The following PROS1 variants were observed in gnomAD, a reference collection of about 807,000 sequenced individuals.
PROS1 encodes the protein vitamin K-dependent protein S.
Under a neutral mutation model 75.9 loss-of-function variants are expected in PROS1, and 29 were observed. The observed-to-expected ratio is 0.38, with a 90% confidence interval of 0.28 to 0.52. The LOEUF (loss-of-function observed/expected upper bound fraction) is 0.52, where lower values mean the gene tolerates loss of function less well. PROS1 is among the 20% of genes least tolerant of loss of function. The probability of loss-of-function intolerance (pLI) is 0.83; values close to 1 mark genes in which losing one functional copy is unlikely to be tolerated. For synonymous variants in PROS1, 245 were observed against 280.6 expected (o/e 0.87, Z 1.27); for missense variants, 680 against 810.3 (o/e 0.84, Z 1.95).
chr3:93,973,266 G>A (rs1285392216), intron 1 of PROS1, among the ~76,000 whole-genome samples: 2 of 152,142 alleles, frequency 1.3e-5, no homozygotes, highest in Non-Finnish European at 2.9e-5. Flanking sequence ...TTCAGGAGAC[G>A]GGTGCAGGTT....
chr3:93,949,650 C>T lies in PROS1; in HGVS notation c.77-22243G>A, dbSNP rs544673767. On this transcript the variant is annotated intron_variant, in intron 1 of 14. Transcript: ENST00000394236. ...AAAATAAACTAACAACATAATTAGG[C>T]ATTTCATAAAAGAGGGAAAAAAAGA... Among the ~76,000 whole-genome samples the T allele has an allele frequency of 2.0e-5, 3 of 152,016 alleles. No individual in the cohort carries two copies. In the East Asian group the frequency reaches 5.8e-4, roughly 29 times the overall value.
chr3:93,906,025 T>A lies in PROS1; in HGVS notation c.465A>T (p.Glu155Asp), dbSNP rs1708670226. The change falls in exon 5 of 15, where the codon GAA (glutamate) becomes GAT (aspartate). Residue 155 changes from glutamate to aspartate, a missense_variant. Transcript: ENST00000394236. The stretch of plus-strand genomic sequence containing the variant: ...GGCGGGGGTTATTATACGTACCAAA[T>A]TCACACTTTTCTCCTTGCCAACCTG... ...CKPGWQGEKCEFDINECKDPS... is the reference protein window; with the variant it reads ...CKPGWQGEKCDFDINECKDPS... 6.2e-7 allele frequency: 1 copy of A among 1,614,090 alleles called. No homozygotes were observed.
chr3:93,899,580 T>A (rs1414598874), intron 7 of PROS1, among the ~76,000 whole-genome samples: 1 of 152,172 alleles, frequency 6.6e-6, no homozygotes, highest in Admixed American at 6.6e-5. Context: ...GTAATTTCTA[T>A]CTGCAATGGT....
rs1444047742 is a variant in PROS1 at position 93,884,812 on chromosome 3, T to C, written c.1408A>G (p.Lys470Glu). 6 of 1,613,726 alleles carry C rather than the reference T, an allele frequency of 3.7e-6. No individual in the cohort carries two copies. The highest frequency in any genetic ancestry group is 5.1e-6 in the Non-Finnish European group (6 of 1,179,866). Residue 470 changes from lysine (K) to glutamate (E), a missense_variant, in exon 12 of 15, where the codon AAA (lysine) becomes GAA (glutamate). By Grantham distance (56) the Lys-to-Glu change is moderately conservative (BLOSUM62 1). Coordinates refer to ENST00000394236, the MANE Select transcript of PROS1 (RefSeq NM_000313.4). ...GTAACCAGGCAATGCTTATTTTGTT[T>C]TTCTTGAATAATTTCCTTTATTCCA... The part of the protein sequence containing the change: ...ASGIKEIIQE[K>E]QNKHCLVTVE...
intron 14 of PROS1, 44 bp from the exon 15 acceptor site, chr3:93,874,449 A>C (rs1708154204): frequency 6.2e-7 from 1 of 1,607,544 alleles, no homozygotes; most frequent in African/African-American, 1.3e-5. Context: ...GACTTTTAGC[A>C]TCTTGTTTGT....
rs1708147445 is a variant in PROS1 at position 93,874,101 on chromosome 3, T to C, written c.*144A>G. On this transcript the variant is annotated 3_prime_UTR_variant, in exon 15 of 15. Transcript: ENST00000394236. ...TATATCACAACAGAATTTTTTTCCT[T>C]GACAAAGGACCTTTTAAAAATCCCA... is the stretch of plus-strand genomic sequence containing the variant. 6 of 961,410 alleles carry C rather than the reference T, an allele frequency of 6.2e-6. No homozygotes were observed. The highest frequency in any genetic ancestry group is 2.7e-5 in the East Asian group (1 of 37,370). 59.6% of individuals were successfully genotyped at this position (961,410 alleles called of 1,614,324 possible). A position where few individuals can be genotyped will look rare whatever the true frequency, so the allele number is the denominator to read the frequency against.
intron 10 of PROS1, among the ~76,000 whole-genome samples, chr3:93,886,905 AAGTTCTTTT>A (rs904074853): frequency 6.6e-6 from 1 of 151,470 alleles, no homozygotes; most frequent in Non-Finnish European, 1.5e-5. Context: ...TAGTGTAAAT[AAGTTCTTTT>A]TTTTTTTTTT....
At chr3:93,895,777 C>A (rs1382250401) in intron 9 of PROS1, among the ~76,000 whole-genome samples, 1 of 152,022 alleles carries the variant, frequency 6.6e-6, no homozygotes, top group African/African-American at 2.4e-5. Flanking sequence ...CAACCCTGGG[C>A]AACGTGGTAA....
intron 1 of PROS1, among the ~76,000 whole-genome samples, chr3:93,938,527 C>A (rs1709225887): frequency 6.6e-6 from 1 of 152,140 alleles, no homozygotes. Flanking sequence ...GAGATCCACC[C>A]ACGACCTCAG....
intron 1 of PROS1, chr3:93,928,906 T>C: frequency 2.6e-6 from 1 of 380,388 alleles, no homozygotes; most frequent in Non-Finnish European, 4.6e-6. Flanking sequence ...ATTATATTTT[T>C]GCATATTAGA....
intron 3 of PROS1, 197 bp from the exon 4 acceptor site, chr3:93,910,902 A>G (rs1392248303): frequency 3.5e-6 from 2 of 572,460 alleles, no homozygotes; most frequent in Non-Finnish European, 6.3e-6. Context: ...GGCAACAGAT[A>G]CAGAAACATA....
rs1708453983 is a variant in PROS1 at position 93,892,950 on chromosome 3, T to G, written c.1138A>C (p.Asn380His). 1 of 1,611,958 alleles carries G rather than the reference T, an allele frequency of 6.2e-7. No individual in the cohort carries two copies. The highest frequency in any genetic ancestry group is 1.7e-5 in the Admixed American group (1 of 60,028). ...KITTGGDVIN[N>H]GLWNMVSVEE... ...AAACGTACCATATTCCATAGACCAT[T>G]ATTAATAACATCACCTCCAGTTGTG... Residue 380 changes from asparagine to histidine, a missense_variant, in exon 10 of 15, where the codon AAT becomes CAT. Asn to His is a moderately conservative substitution (Grantham distance 68, BLOSUM62 1). Transcript: ENST00000394236.
chr3:93,952,781 A>C lies in PROS1; in HGVS notation c.76+20893T>G, dbSNP rs531380645. ...CAAAAAACCCTTCAAAAAATCAGTG[A>C]ATCCAAGAGCTGGCTTTTTGAAAAG... On this transcript the variant is annotated intron_variant, in intron 1 of 14. Transcript: ENST00000394236. 1.8e-4 allele frequency among the ~76,000 whole-genome samples: 27 copies of C among 152,352 alleles called. No homozygotes were observed. The East Asian group carries it at 3.7e-3, about 21-fold the overall frequency.
chr3:93,907,113 G>T (rs1708688067), intron 4 of PROS1, among the ~76,000 whole-genome samples: 1 of 152,248 alleles, frequency 6.6e-6, no homozygotes, highest in Admixed American at 6.5e-5. Flanking sequence ...AGGCCTGTGG[G>T]CTGGGCTACC....
intron 1 of PROS1, among the ~76,000 whole-genome samples, chr3:93,929,676 G>A (rs1290727081): frequency 1.3e-5 from 2 of 152,184 alleles, no homozygotes; most frequent in African/African-American, 4.8e-5. Flanking sequence ...TAAATATCAT[G>A]TGGAAAAATA....
intron 1 of PROS1, among the ~76,000 whole-genome samples, chr3:93,963,693 G>A (rs566966427): frequency 1.2e-3 from 156 of 127,014 alleles, no homozygotes; most frequent in African/African-American, 3.6e-3. Flanking sequence ...GAATGGGAGC[G>A]CGAGCTAGAA....
chr3:93,898,478 G>T lies in PROS1; in HGVS notation c.819C>A (p.Phe273Leu), dbSNP rs780299397. The stretch of plus-strand genomic sequence containing the variant: ...AACTCTTCTGATCTTGGGCAAGTTT[G>T]AATCCTTTCTTCCCATCACAATAGC... ...YTCYCDGKKGFKLAQDQKSCE... is the reference protein window; with the variant it reads ...YTCYCDGKKGLKLAQDQKSCE... Residue 273 changes from phenylalanine to leucine, a missense_variant, in exon 8 of 15, where the codon TTC (phenylalanine) becomes TTA (leucine). Physicochemically the swap from Phe to Leu is conservative, Grantham distance 22. Transcript: ENST00000394236. 3.1e-6 allele frequency: 5 copies of T among 1,612,672 alleles called. No individual in the cohort carries two copies. In the South Asian group the frequency reaches 5.5e-5, roughly 18 times the overall value.
In PROS1 at chr3:93,887,759, G is replaced by C. The variant is rs138166824; in HGVS notation, c.1156-1256C>G. Among the ~76,000 whole-genome samples, 950 of 152,148 alleles carry C rather than the reference G, an allele frequency of 6.2e-3. 1 individual carries two copies. Among genetic ancestry groups the C allele is most frequent in the Non-Finnish European group, 1.0e-2 (677 of 68,002 alleles). On this transcript the variant is annotated intron_variant, in intron 10 of 14. Transcript: ENST00000394236. ...CACTACTTCTCAGTCTCCTTTGCTG[G>C]ATCCTCCCCTCCCCACAGCTCAGGC...
At chr3:93,894,706 G>A (rs954350446) in intron 9 of PROS1, among the ~76,000 whole-genome samples, 2 of 152,120 alleles carry the variant, frequency 1.3e-5, no homozygotes, top group Non-Finnish European at 2.9e-5. Context: ...CGGAGGGAAA[G>A]TATTTGATCA....
Sources: gnomAD v4.1 joint callset for allele counts (sites outside exome capture counted in the v4.1 genomes callset) on GRCh38, gnomAD v4.1.1 for gene constraint, MANE v1.5 for transcripts, NCBI Gene and HGNC (gene_info 2026-07-23, HGNC 2026-07-21) for gene names.